CD44: variants seen among roughly 807,000 people sequenced by gnomAD.
The protein encoded by CD44 is CD44 antigen.
Under a neutral mutation model 88.8 loss-of-function variants are expected in CD44, and 49 were observed. The ratio of observed to expected loss-of-function variants is 0.55; its 90% CI spans 0.44 to 0.70. The LOEUF (loss-of-function observed/expected upper bound fraction) is 0.70, where lower values mean the gene tolerates loss of function less well. Among genes scored for constraint, CD44 ranks in the 30% least tolerant of loss-of-function variants. CD44 has a pLI of 0.00. For synonymous variants in CD44, 325 were observed against 312.3 expected, an observed-to-expected ratio of 1.04 and a Z score of -0.43; for missense variants, 883 against 913.8, an observed-to-expected ratio of 0.97 and a Z score of 0.43.
chr11:35,221,436 C>T (rs541160853), intron 16 of CD44, among the ~76,000 whole-genome samples: 1 of 152,292 alleles, frequency 6.6e-6, no homozygotes, highest in Admixed American at 6.5e-5. Context: ...AAAATCCTGA[C>T]TGATGATAAA....
chr11:35,198,607 A>G (rs1946988308), intron 7 of CD44: 2 of 172,940 alleles, frequency 1.2e-5, no homozygotes, highest in South Asian at 1.8e-4. Context: ...AGATGAAAAG[A>G]GCCAGAGCCT....
chr11:35,224,521 G>C (rs1949556531), intron 17 of CD44, among the ~76,000 whole-genome samples: 1 of 152,182 alleles, frequency 6.6e-6, no homozygotes, highest in Admixed American at 6.5e-5. Context: ...TGGATTAGTT[G>C]AGCCTAGGAG....
At position 35,231,546 on chromosome 11, in the gene CD44, CCT is replaced by C. The variant is rs990365979; in HGVS notation, c.*2216_*2217del. Reference sequence around the variant, plus strand: ...TGTTGTAGTCCCTCACTTGGATATACCTCTGTTTTCACGATAGAAATAAGGGA... The same window carrying C: ...TGTTGTAGTCCCTCACTTGGATATACCTGTTTTCACGATAGAAATAAGGGA... On this transcript the variant is annotated 3_prime_UTR_variant, in exon 18 of 18. Coordinates refer to ENST00000428726, the MANE Select transcript of CD44 (RefSeq NM_000610.4). 6.6e-6 allele frequency: 1 copy of C among 152,158 alleles called. No individual in the cohort carries two copies. The highest frequency in any genetic ancestry group is 1.5e-5 in the Non-Finnish European group (1 of 68,026). The allele number at this position is 152,158 out of a possible 1,614,324, so 9.4% of individuals were successfully genotyped here. A position where few individuals can be genotyped will look rare whatever the true frequency, so the allele number is the denominator to read the frequency against.
intron 17 of CD44, 75 bp downstream of exon 17, chr11:35,221,807 A>G: frequency 7.6e-7 from 1 of 1,320,766 alleles, no homozygotes; most frequent in Non-Finnish European, 1.1e-6. Flanking sequence ...CTTGCTGCTC[A>G]GAGCGTAGTC....
intron 3 of CD44, among the ~76,000 whole-genome samples, chr11:35,180,782 T>C (rs2133726587): frequency 6.6e-6 from 1 of 152,294 alleles, no homozygotes; most frequent in Non-Finnish European, 1.5e-5. Flanking sequence ...CGGGTTTGTG[T>C]TGGACCACAT....
rs144615782 is a variant in CD44 at position 35,202,442 on chromosome 11, C to A, written c.1153+655C>A. Among the ~76,000 whole-genome samples, 1,379 of 152,242 alleles carry A rather than the reference C, an allele frequency of 9.1e-3. 31 individuals are homozygous for A. Among genetic ancestry groups the A allele is most frequent in the African/African-American group, 0.031 (1,305 of 41,524 alleles). On this transcript the variant is annotated intron_variant, in intron 9 of 17. Transcript: ENST00000428726. ...GGCAGTGGACTGTGAGAATAGGGGG[C>A]CCCCTCACTCCCCAAACATAAGAAG...
chr11:35,189,764 A>G (rs942044365), intron 4 of CD44, 71 bp from the exon 5 acceptor site: 3 of 990,510 alleles, frequency 3.0e-6, no homozygotes, highest in African/African-American at 3.2e-5. Context: ...TGAAGTCACT[A>G]TGTTAAACGC....
chr11:35,230,200 CTGTTTT>C lies in CD44; in HGVS notation c.*875_*880del, dbSNP rs978866466. The C allele has an allele frequency of 6.8e-6, 1 of 146,948 alleles. No homozygotes were observed. The highest frequency in any genetic ancestry group is 1.5e-5 in the Non-Finnish European group (1 of 67,428). 9.1% of individuals were successfully genotyped at this position (146,948 alleles called of 1,614,324 possible). A position where few individuals can be genotyped will look rare whatever the true frequency, so the allele number is the denominator to read the frequency against. On this transcript the variant is annotated 3_prime_UTR_variant, in exon 18 of 18. Transcript: ENST00000428726. ...TCATGGAAGACCAAGGAGGGCAGCA[CTGTTTT>C]TGTTTTTTGTTTTTTGTTTTTTTTT...
chr11:35,164,390 C>T (rs1304860033), intron 1 of CD44, among the ~76,000 whole-genome samples: 2 of 152,314 alleles, frequency 1.3e-5, no homozygotes, highest in Middle Eastern at 3.4e-3. Context: ...TATTAAGGCA[C>T]ATAGACTACA....
chr11:35,205,266 G>T (rs961117613), intron 10 of CD44, among the ~76,000 whole-genome samples: 1 of 152,182 alleles, frequency 6.6e-6, no homozygotes, highest in Non-Finnish European at 1.5e-5. Flanking sequence ...CTCCCATGCA[G>T]GATTCTTTTG....
intron 2 of CD44, among the ~76,000 whole-genome samples, chr11:35,179,768 AGTT>A (rs1266548534): frequency 6.6e-6 from 1 of 152,184 alleles, no homozygotes; most frequent in Non-Finnish European, 1.5e-5. Context: ...TCACAGGAAA[AGTT>A]GTGGCTGAGA....
At chr11:35,198,559 A>T (rs1336707911) in intron 7 of CD44, 1 of 264,440 alleles carries the variant, frequency 3.8e-6, no homozygotes, top group African/African-American at 2.2e-5. Flanking sequence ...CAAAAAATGT[A>T]CATTGTGTAC....
chr11:35,166,993 G>A (rs1043409412), intron 1 of CD44, among the ~76,000 whole-genome samples: 7 of 152,250 alleles, frequency 4.6e-5, no homozygotes, highest in East Asian at 3.8e-4. Flanking sequence ...AGATGGGGGC[G>A]AGTGATGTGC....
chr11:35,221,323 C>T (rs559101587), intron 16 of CD44, among the ~76,000 whole-genome samples: 4 of 152,294 alleles, frequency 2.6e-5, no homozygotes, highest in African/African-American at 9.6e-5. Flanking sequence ...AAGAAGCCTA[C>T]ATTTCCTTTT....
At chr11:35,185,347 C>T (rs889234530) in intron 3 of CD44, among the ~76,000 whole-genome samples, 1 of 152,090 alleles carries the variant, frequency 6.6e-6, no homozygotes, top group Non-Finnish European at 1.5e-5. Context: ...TATAAAACTG[C>T]CAGTTAGTTC....
At chr11:35,223,177 C>T (rs985366444) in intron 17 of CD44, 62 of 985,014 alleles carry the variant, frequency 6.3e-5, no homozygotes, top group Non-Finnish European at 7.1e-5. Context: ...TCTAAAAGGC[C>T]GCCTATGATT....
At chr11:35,173,868 G>T (rs59142606) in intron 1 of CD44, among the ~76,000 whole-genome samples, 151 of 152,262 alleles carry the variant, frequency 9.9e-4, no homozygotes, top group African/African-American at 3.4e-3. Context: ...TGATAGAAAA[G>T]GATCCTTGGG....
chr11:35,222,778 A>T lies in CD44; in HGVS notation c.2024+1046A>T. 4.1e-6 allele frequency: 4 copies of T among 984,056 alleles called. No homozygotes were observed. In the South Asian group the frequency reaches 1.9e-4, roughly 46 times the overall value. 61.0% of individuals were successfully genotyped at this position (984,056 alleles called of 1,614,324 possible). Reference sequence around the variant, plus strand: ...CCAGGACGTAATTCATAGGAATATTAAGCCTTTTGTAAATGTCCCTTTAGA... The same window carrying T: ...CCAGGACGTAATTCATAGGAATATTTAGCCTTTTGTAAATGTCCCTTTAGA... On this transcript the variant is annotated intron_variant, in intron 17 of 17. Transcript: ENST00000428726.
intron 16 of CD44, among the ~76,000 whole-genome samples, chr11:35,220,836 G>A (rs1470953324): frequency 2.1e-5 from 3 of 144,480 alleles, no homozygotes; most frequent in East Asian, 2.0e-4. Flanking sequence ...GCGCGACCTC[G>A]GCCCACTGCA....
Sources: gnomAD v4.1 joint callset for allele counts (sites outside exome capture counted in the v4.1 genomes callset) on GRCh38, gnomAD v4.1.1 for gene constraint, MANE v1.5 for transcripts, NCBI Gene and HGNC (gene_info 2026-07-23, HGNC 2026-07-21) for gene names.